The following SLC25A21 variants were observed in gnomAD, a reference collection of about 807,000 sequenced individuals.
The protein encoded by SLC25A21 is solute carrier family 25 member 21, also known as mitochondrial 2-oxodicarboxylate carrier.
Under a neutral mutation model 43.8 loss-of-function variants are expected in SLC25A21, and 47 were observed. The observed-to-expected ratio is 1.07, with a 90% confidence interval of 0.85 to 1.37. SLC25A21 has a LOEUF of 1.37. Ranked by LOEUF, SLC25A21 falls within the 40% of genes most tolerant of loss-of-function variation. The pLI, the probability that SLC25A21 is intolerant of heterozygous loss-of-function variation, is 0.00. For missense variants in SLC25A21, 352 were observed against 350.2 expected (o/e 1.00, Z -0.04); for synonymous variants, 131 against 121.3 (o/e 1.08, Z -0.52).
intron 1 of SLC25A21, among the ~76,000 whole-genome samples, chr14:36,910,958 TA>T (rs1390800923): frequency 3.9e-5 from 6 of 152,190 alleles, no homozygotes; most frequent in Non-Finnish European, 7.3e-5. Context: ...TGTATTGTGA[TA>T]AAAAAGTTAA....
intron 2 of SLC25A21, among the ~76,000 whole-genome samples, chr14:36,824,814 A>AG (rs1888764703): frequency 6.6e-6 from 1 of 151,212 alleles, no homozygotes; most frequent in Admixed American, 6.6e-5. Context: ...AAAAAAAAAA[A>AG]AAAAAAAAAG....
chr14:37,001,788 T>C (rs1037734132), intron 1 of SLC25A21, among the ~76,000 whole-genome samples: 9 of 152,190 alleles, frequency 5.9e-5, no homozygotes, highest in Non-Finnish European at 1.0e-4. Context: ...TTGTTTTCTA[T>C]TTTAGAAAAA....
intron 1 of SLC25A21, among the ~76,000 whole-genome samples, chr14:36,935,824 AT>A (rs1892409219): frequency 6.6e-6 from 1 of 152,060 alleles, no homozygotes; most frequent in Non-Finnish European, 1.5e-5. Flanking sequence ...CATCCTCTCC[AT>A]TTTTAATTAC....
At chr14:37,023,373 G>C (rs1296045972) in intron 1 of SLC25A21, among the ~76,000 whole-genome samples, 1 of 151,914 alleles carries the variant, frequency 6.6e-6, no homozygotes, top group Non-Finnish European at 1.5e-5. Context: ...TCTAAGAATG[G>C]AGTGTTTGTT....
At chr14:37,109,003 T>C (rs186318572) in intron 1 of SLC25A21, among the ~76,000 whole-genome samples, 115 of 152,252 alleles carry the variant, frequency 7.6e-4, no homozygotes, top group African/African-American at 2.5e-3. Flanking sequence ...CTAAGTGTAC[T>C]CATCTCTTTA....
At chr14:36,886,381 C>T (rs1489487749) in intron 1 of SLC25A21, among the ~76,000 whole-genome samples, 1 of 152,174 alleles carries the variant, frequency 6.6e-6, no homozygotes, top group African/African-American at 2.4e-5. Context: ...CAAGCCACAG[C>T]CTCCCTTGAA....
At chr14:37,059,670 C>A (rs1961903296) in intron 1 of SLC25A21, among the ~76,000 whole-genome samples, 1 of 152,124 alleles carries the variant, frequency 6.6e-6, no homozygotes, top group Non-Finnish European at 1.5e-5. Context: ...AAAATGCCCA[C>A]AAAGGCACAC....
chr14:37,045,820 T>C (rs897753087), intron 1 of SLC25A21, among the ~76,000 whole-genome samples: 15 of 152,230 alleles, frequency 9.9e-5, no homozygotes, highest in African/African-American at 3.4e-4. Flanking sequence ...AGAGCATCCA[T>C]GAAATGATCT....
At chr14:36,921,539 A>G (rs74724180) in intron 1 of SLC25A21, among the ~76,000 whole-genome samples, 7,109 of 152,260 alleles carry the variant, frequency 0.047, 295 homozygotes, top group Middle Eastern at 0.14. Context: ...AAATGGATGA[A>G]TCTCATAAAT....
At chr14:36,904,061 C>G (rs1247310903) in intron 1 of SLC25A21, among the ~76,000 whole-genome samples, 1 of 152,190 alleles carries the variant, frequency 6.6e-6, no homozygotes, top group Non-Finnish European at 1.5e-5. Context: ...TGACTGAATT[C>G]TTGTCCTTTG....
chr14:36,951,523 G>A (rs534157989), intron 1 of SLC25A21, among the ~76,000 whole-genome samples: 1 of 152,178 alleles, frequency 6.6e-6, no homozygotes. Flanking sequence ...AAAACAAATA[G>A]GGCCTCTCTT....
At chr14:36,966,869 C>T (rs561322646) in intron 1 of SLC25A21, among the ~76,000 whole-genome samples, 5 of 152,136 alleles carry the variant, frequency 3.3e-5, no homozygotes, top group Admixed American at 6.5e-5. Flanking sequence ...TAGCAGCCCC[C>T]GAAGGGATTC....
At chr14:36,688,414 C>G (rs2073248) in intron 7 of SLC25A21, among the ~76,000 whole-genome samples, 24,508 of 152,204 alleles carry the variant, frequency 0.16, 2,789 homozygotes, top group African/African-American at 0.28. Context: ...TTTGTGTCAC[C>G]TGTTTTGCAG....
chr14:36,926,654 T>A (rs1412539618), intron 1 of SLC25A21, among the ~76,000 whole-genome samples: 1 of 152,112 alleles, frequency 6.6e-6, no homozygotes, highest in Non-Finnish European at 1.5e-5. Context: ...GGACACTCAG[T>A]ACATTTGGAA....
At chr14:37,009,142 C>T (rs1960673642) in intron 1 of SLC25A21, among the ~76,000 whole-genome samples, 1 of 152,106 alleles carries the variant, frequency 6.6e-6, no homozygotes, top group Non-Finnish European at 1.5e-5. Context: ...AGATTCTATT[C>T]ATTTATCTTA....
chr14:36,738,790 A>G (rs1322441403), intron 3 of SLC25A21, among the ~76,000 whole-genome samples: 1 of 152,236 alleles, frequency 6.6e-6, no homozygotes, highest in Non-Finnish European at 1.5e-5. Flanking sequence ...AAAAAGTATT[A>G]GCTCGTATGT....
intron 1 of SLC25A21, among the ~76,000 whole-genome samples, chr14:36,898,377 T>C (rs1186929575): frequency 6.6e-6 from 1 of 152,180 alleles, no homozygotes; most frequent in African/African-American, 2.4e-5. Flanking sequence ...GCTAAGACCG[T>C]TGGAAAAGCG....
In SLC25A21 at chr14:36,684,767, C is replaced by A. The variant is rs770189774; in HGVS notation, c.762G>T (p.Met254Ile). Reference protein sequence around the residue: ...EIKYRTCFKTMATVYQEEGIL... With the variant: ...EIKYRTCFKTIATVYQEEGIL... ...ACCCTTCTTCCTGATAGACTGTTGC[C>A]ATTGTTTTAAAACAGGTTCTGTACT... The change falls in exon 8 of 10, where the codon ATG becomes ATT. Residue 254 changes from methionine to isoleucine, a missense_variant. Transcript: ENST00000331299. 1.3e-5 allele frequency: 21 copies of A among 1,605,954 alleles called. No homozygotes were observed. The highest frequency in any genetic ancestry group is 1.7e-5 in the Non-Finnish European group (20 of 1,176,926).
chr14:36,764,082 A>G (rs866994900), intron 3 of SLC25A21, among the ~76,000 whole-genome samples: 1 of 43,596 alleles, frequency 2.3e-5, no homozygotes, highest in Non-Finnish European at 4.1e-5. Flanking sequence ...GAAAGAAAGA[A>G]GGAAGGAAGG....
Sources: gnomAD v4.1 joint callset for allele counts (sites outside exome capture counted in the v4.1 genomes callset) on GRCh38, gnomAD v4.1.1 for gene constraint, MANE v1.5 for transcripts, NCBI Gene and HGNC (gene_info 2026-07-23, HGNC 2026-07-21) for gene names.